ABCG2: variants seen among roughly 807,000 people sequenced by gnomAD.
The protein encoded by ABCG2 is broad substrate specificity ATP-binding cassette transporter ABCG2.
ABCG2 carries 80 observed loss-of-function variants against 73.5 expected under a neutral mutation model. That is an observed-to-expected ratio of 1.09 (90% CI 0.91 to 1.31). The LOEUF is 1.31. Among genes scored for constraint, ABCG2 ranks in the 50% most tolerant of loss-of-function variants. The pLI is 0.00. For synonymous variants in ABCG2, 269 were observed against 282.4 expected (o/e 0.95, Z 0.48); for missense variants, 796 against 786.2 (o/e 1.01, Z -0.15).
chr4:88,158,705 A>G (rs1349879612), upstream of ABCG2: 3 of 453,824 alleles, frequency 6.6e-6, no homozygotes, highest in South Asian at 4.7e-5. Context: ...CGCGCGGCAC[A>G]ACCCCTTCCC....
intron 1 of ABCG2, among the ~76,000 whole-genome samples, chr4:88,153,886 G>C (rs534899020): frequency 6.6e-6 from 1 of 152,292 alleles, no homozygotes; most frequent in African/African-American, 2.4e-5. Flanking sequence ...AGGAGTAGTA[G>C]AATAGCAGAT....
chr4:88,157,579 A>T (rs1727030635), intron 1 of ABCG2, among the ~76,000 whole-genome samples: 1 of 152,224 alleles, frequency 6.6e-6, no homozygotes, highest in Non-Finnish European at 1.5e-5. Flanking sequence ...TTATAAAATA[A>T]ATAATAAAAT....
chr4:88,098,553 G>GT (rs1722144437), intron 12 of ABCG2, among the ~76,000 whole-genome samples: 1 of 150,410 alleles, frequency 6.6e-6, no homozygotes, highest in Admixed American at 6.6e-5. Flanking sequence ...ATCATTTTAT[G>GT]TATCTCTAAG....
At chr4:88,155,632 C>T (rs924937552) in intron 1 of ABCG2, among the ~76,000 whole-genome samples, 1 of 152,214 alleles carries the variant, frequency 6.6e-6, no homozygotes, top group Non-Finnish European at 1.5e-5. Context: ...AGGCCGGGCA[C>T]GGTGGCTCAT....
intron 1 of ABCG2, among the ~76,000 whole-genome samples, chr4:88,213,785 C>A (rs1578283591): frequency 6.6e-6 from 1 of 151,128 alleles, no homozygotes; most frequent in African/African-American, 2.4e-5. Flanking sequence ...CGGATTCAAG[C>A]GATTCCCCTG....
intron 5 of ABCG2, among the ~76,000 whole-genome samples, chr4:88,122,249 A>T (rs1054410169): frequency 1.3e-5 from 2 of 152,112 alleles, no homozygotes; most frequent in African/African-American, 4.8e-5. Context: ...ATTTGGGCAG[A>T]CACTGAGACA....
intron 11 of ABCG2, 92 bp from the exon 12 acceptor site, chr4:88,099,540 G>T: frequency 7.4e-7 from 1 of 1,357,230 alleles, no homozygotes; most frequent in East Asian, 2.5e-5. Context: ...TCTGCTGACA[G>T]CAGGGGTTGA....
chr4:88,140,093 C>A, intron 1 of ABCG2, 79 bp from the exon 2 acceptor site: 1 of 1,219,576 alleles, frequency 8.2e-7, no homozygotes, highest in Non-Finnish European at 1.2e-6. Flanking sequence ...ACATTTAAAA[C>A]AAGTCCATTT....
intron 1 of ABCG2, among the ~76,000 whole-genome samples, chr4:88,140,877 T>C (rs1348754452): frequency 2.0e-5 from 3 of 152,076 alleles, no homozygotes; most frequent in Non-Finnish European, 4.4e-5. Flanking sequence ...TAAAGTTAGG[T>C]ACGAAAATCA....
intron 1 of ABCG2, among the ~76,000 whole-genome samples, chr4:88,209,068 C>T (rs1729486306): frequency 6.6e-6 from 1 of 151,470 alleles, no homozygotes; most frequent in South Asian, 2.1e-4. Context: ...ATCTCAGCAC[C>T]TTGGGAGGCC....
In ABCG2 at chr4:88,100,506, C is replaced by CA. The variant is rs565550337; in HGVS notation, c.1367+723dup. Among the ~76,000 whole-genome samples, 282 of 103,058 alleles carry CA rather than the reference C, an allele frequency of 2.7e-3. 1 individual carries two copies. The highest frequency in any genetic ancestry group is 8.1e-3 in the South Asian group (26 of 3,198). 67.6% of individuals were successfully genotyped at this position (103,058 alleles called of 152,430 possible). A position where few individuals can be genotyped will look rare whatever the true frequency, so the allele number is the denominator to read the frequency against. On this transcript the variant is annotated intron_variant, in intron 11 of 15. Transcript: ENST00000237612. ...AGACAGAGCGAGCGAGACTCTATGT[C>CA]AAAAAAAAAAAAAAAAGCTAGGCAT...
At position 88,114,999 on chromosome 4, in the gene ABCG2, C is replaced by T; in HGVS notation, c.901G>A (p.Asp301Asn). Residue 301 changes from aspartate to asparagine, a missense_variant, in exon 8 of 16, where the codon GAT becomes AAT. Asp to Asn is a conservative substitution (Grantham distance 23). Coordinates refer to ENST00000237612, the MANE Select transcript of ABCG2 (RefSeq NM_004827.3). ...ADFFLDIING[D>N]STAVALNREE... ...CTGTTTAATGCCACAGCAGTGGAAT[C>T]TCCATTAATGATGTCCAAGAAGAAG... 1.2e-6 allele frequency: 2 copies of T among 1,612,920 alleles called. No individual in the cohort carries two copies. Among genetic ancestry groups the T allele is most frequent in the South Asian group, 2.2e-5 (2 of 90,936 alleles).
At chr4:88,131,718 A>G (rs1724888374) in intron 4 of ABCG2, 85 bp downstream of exon 4, 2 of 933,038 alleles carry the variant, frequency 2.1e-6, no homozygotes, top group Admixed American at 2.1e-5. Flanking sequence ...CACATAATCA[A>G]CTGGAAGCAC....
At chr4:88,197,979 G>A (rs1036656101) in intron 1 of ABCG2, among the ~76,000 whole-genome samples, 15 of 141,494 alleles carry the variant, frequency 1.1e-4, no homozygotes, top group Non-Finnish European at 1.4e-4. Flanking sequence ...GCAGTGAGCC[G>A]AAATCGCACC....
rs771821475 is a variant in ABCG2, at chr4:88,113,285, A to G, written c.1194+18T>C. On this transcript the variant is annotated intron_variant, in intron 9 of 15. Coordinates refer to ENST00000237612, the MANE Select transcript of ABCG2 (RefSeq NM_004827.3). ...ACATTGTTCCCATTTGAGTATTTCA[A>G]AAGAATCTGCTGGTTACCTGAGCTA... The G allele has an allele frequency of 1.1e-5, 18 of 1,609,270 alleles. No homozygotes were observed. The highest frequency in any genetic ancestry group is 6.7e-5 in the East Asian group (3 of 44,864).
chr4:88,198,098 G>A (rs113557587), intron 1 of ABCG2, among the ~76,000 whole-genome samples: 1 of 150,374 alleles, frequency 6.7e-6, no homozygotes, highest in Non-Finnish European at 1.5e-5. Flanking sequence ...TTGGGAGGCC[G>A]AGGTGGGTGG....
At chr4:88,117,141 T>C (rs944435583) in intron 7 of ABCG2, among the ~76,000 whole-genome samples, 1 of 151,750 alleles carries the variant, frequency 6.6e-6, no homozygotes, top group Non-Finnish European at 1.5e-5. Flanking sequence ...CTGGGCAACA[T>C]GGCAAGACCC....
At chr4:88,103,859 T>C (rs1329435209) in intron 10 of ABCG2, among the ~76,000 whole-genome samples, 1 of 152,246 alleles carries the variant, frequency 6.6e-6, no homozygotes, top group African/African-American at 2.4e-5. Flanking sequence ...TCACTTGGCA[T>C]AATATTCTCC....
intron 1 of ABCG2, among the ~76,000 whole-genome samples, chr4:88,215,089 TA>T (rs1432907023): frequency 6.6e-6 from 1 of 151,992 alleles, no homozygotes; most frequent in South Asian, 2.1e-4. Context: ...GAGACAGTCT[TA>T]AAAAAATTTT....
Sources: allele counts gnomAD v4.1 joint callset (sites outside exome capture counted in the v4.1 genomes callset), GRCh38; gene constraint gnomAD v4.1.1; transcripts MANE v1.5; gene names NCBI Gene and HGNC (gene_info 2026-07-23, HGNC 2026-07-21).